PTPRN2: variants seen among roughly 807,000 people sequenced by gnomAD.
The protein encoded by PTPRN2 is receptor-type tyrosine-protein phosphatase N2.
PTPRN2 carries 74 observed loss-of-function variants against 118.8 expected under a neutral mutation model. The observed-to-expected ratio is 0.62, with a 90% CI of 0.52 to 0.76. The LOEUF (loss-of-function observed/expected upper bound fraction) is 0.76. Ranked by LOEUF, PTPRN2 falls within the 30% of genes least tolerant of loss-of-function variation. PTPRN2 has a pLI of 0.00. For missense variants in PTPRN2, 1,481 were observed against 1,394.4 expected (o/e 1.06, Z -0.99); for synonymous variants, 641 against 608.0 (o/e 1.05, Z -0.80).
intron 3 of PTPRN2, among the ~76,000 whole-genome samples, chr7:158,242,050 A>G (rs1433174804): frequency 6.6e-6 from 1 of 152,074 alleles, no homozygotes; most frequent in African/African-American, 2.4e-5. Context: ...CCAAATCTTA[A>G]CTGACTCTGA....
intron 2 of PTPRN2, among the ~76,000 whole-genome samples, chr7:158,443,845 G>C (rs1187956873): frequency 6.6e-6 from 1 of 152,218 alleles, no homozygotes; most frequent in Non-Finnish European, 1.5e-5. Flanking sequence ...AGAGTGGACT[G>C]TTGGCCACCA....
chr7:158,435,545 T>C (rs1220817071), intron 2 of PTPRN2, among the ~76,000 whole-genome samples: 1 of 152,164 alleles, frequency 6.6e-6, no homozygotes, highest in Non-Finnish European at 1.5e-5. Context: ...ATAGAACTAC[T>C]ATTTGATCCA....
At chr7:158,355,012 C>T (rs756653224) in intron 2 of PTPRN2, among the ~76,000 whole-genome samples, 7 of 113,516 alleles carry the variant, frequency 6.2e-5, no homozygotes, top group African/African-American at 1.5e-4. Flanking sequence ...ATGATACTTT[C>T]GGAGTCTTGA....
intron 12 of PTPRN2, among the ~76,000 whole-genome samples, chr7:157,695,438 C>T (rs35639863): frequency 0.16 from 23,837 of 151,746 alleles, 2,343 homozygotes; most frequent in Non-Finnish European, 0.22. Flanking sequence ...TTTCTAAATC[C>T]ATTTTTAAAA....
At chr7:157,635,763 G>A (rs180809935) in intron 14 of PTPRN2, among the ~76,000 whole-genome samples, 1 of 152,068 alleles carries the variant, frequency 6.6e-6, no homozygotes, top group East Asian at 1.9e-4. Context: ...ACCCCAGCCA[G>A]GATATTTGGA....
chr7:158,146,773 T>C (rs910054263), intron 6 of PTPRN2, among the ~76,000 whole-genome samples: 3 of 149,708 alleles, frequency 2.0e-5, no homozygotes, highest in Middle Eastern at 3.2e-3. Flanking sequence ...AAAAGCTTCA[T>C]TTTCTTGAGG....
chr7:157,926,695 C>A (rs1196014304), intron 11 of PTPRN2, among the ~76,000 whole-genome samples: 3 of 152,162 alleles, frequency 2.0e-5, no homozygotes, highest in Non-Finnish European at 2.9e-5. Context: ...TCACAAACAC[C>A]CACAGACCCT....
Position 157,576,605 on chromosome 7 carries a change from C to T in PTPRN2, c.2783+8G>A, listed in dbSNP as rs753377084. ...CGCACTGCCCTGCCGGCGGGCCGCG[C>T]GTCATACCTGCGGAAGTCCAGGAGG... is the stretch of plus-strand genomic sequence containing the variant. On this transcript the variant is annotated splice_region_variant and intron_variant, in intron 19 of 22. Coordinates refer to ENST00000389418, the MANE Select transcript of PTPRN2 (RefSeq NM_002847.5). 8.7e-6 allele frequency: 14 copies of T among 1,605,310 alleles called. No individual in the cohort carries two copies. The East Asian group carries it at 2.7e-4, about 31-fold the overall frequency.
At chr7:158,536,996 C>G (rs1268931240) in intron 1 of PTPRN2, among the ~76,000 whole-genome samples, 33 of 152,286 alleles carry the variant, frequency 2.2e-4, no homozygotes, top group Non-Finnish European at 2.9e-5. Flanking sequence ...TGGGACATGA[C>G]TGGGCCATCA....
At chr7:158,586,602 C>T (rs576622592) in intron 1 of PTPRN2, among the ~76,000 whole-genome samples, 2 of 152,372 alleles carry the variant, frequency 1.3e-5, no homozygotes, top group African/African-American at 2.4e-5. Flanking sequence ...AAGGAGGTGC[C>T]GGGGACTGGA....
At chr7:157,686,055 G>A (rs1463433176) in intron 12 of PTPRN2, among the ~76,000 whole-genome samples, 3 of 152,228 alleles carry the variant, frequency 2.0e-5, no homozygotes, top group East Asian at 3.9e-4. Flanking sequence ...TCGTGACCGC[G>A]GGCAGCGCCG....
intron 11 of PTPRN2, among the ~76,000 whole-genome samples, chr7:158,064,485 T>C (rs1306795684): frequency 6.6e-6 from 1 of 152,114 alleles, no homozygotes; most frequent in Admixed American, 6.5e-5. Context: ...AGCCCAGCGC[T>C]GTGAGGTTGC....
chr7:158,468,849 A>G (rs1819572254), intron 2 of PTPRN2, among the ~76,000 whole-genome samples: 1 of 151,364 alleles, frequency 6.6e-6, no homozygotes, highest in Non-Finnish European at 1.5e-5. Flanking sequence ...ACACCCACAC[A>G]CTCCCAATCG....
chr7:157,769,843 C>A lies in PTPRN2; in HGVS notation c.1789-86906G>T, dbSNP rs184898444. 1.8e-3 allele frequency among the ~76,000 whole-genome samples: 281 copies of A among 152,346 alleles called. 2 individuals are homozygous for A. Among genetic ancestry groups the A allele is most frequent in the Admixed American group, 0.011 (171 of 15,312 alleles). On this transcript the variant is annotated intron_variant, in intron 12 of 22. Coordinates refer to ENST00000389418, the MANE Select transcript of PTPRN2 (RefSeq NM_002847.5). ...GCTCCTCACCTGGATTCCCTGGGGG[C>A]TGCCATGGGCCCCTCCCTGCCACCC...
At chr7:157,577,604 G>A (rs1314344272) in intron 18 of PTPRN2, among the ~76,000 whole-genome samples, 1 of 152,168 alleles carries the variant, frequency 6.6e-6, no homozygotes, top group Non-Finnish European at 1.5e-5. Flanking sequence ...AAGGATGGGC[G>A]CCAGGTTTTC....
At chr7:157,910,731 C>T (rs1005128530) in intron 11 of PTPRN2, among the ~76,000 whole-genome samples, 5 of 151,980 alleles carry the variant, frequency 3.3e-5, no homozygotes, top group South Asian at 2.1e-4. Flanking sequence ...TGTGCGAGCG[C>T]GCGTGCGCCC....
chr7:158,205,048 G>T, intron 4 of PTPRN2, 123 bp downstream of exon 4: 1 of 831,284 alleles, frequency 1.2e-6, no homozygotes, highest in Non-Finnish European at 1.9e-6. Context: ...TTTCTGAAAC[G>T]TCTGCACCAG....
At chr7:158,522,037 G>C (rs75591425) in intron 1 of PTPRN2, among the ~76,000 whole-genome samples, 366 of 18,690 alleles carry the variant, frequency 0.02, 7 homozygotes, top group Middle Eastern at 0.042. Flanking sequence ...TGTCCGGGTA[G>C]TGGCTCAGGG....
Position 157,674,262 on chromosome 7 carries a change from G to A in PTPRN2, c.2001+8463C>T, listed in dbSNP as rs960372904. On this transcript the variant is annotated intron_variant, in intron 13 of 22. Coordinates refer to ENST00000389418, the MANE Select transcript of PTPRN2 (RefSeq NM_002847.5). This position sits in a 1 kb window ranked among gnomAD's most constrained non-coding sequence, Gnocchi z 4.5. ...GGGCCTGGGAGAGAAGAGACAGCCA[G>A]GCGGCGAGGGACTTGTCCTGTGGAG... Among the ~76,000 whole-genome samples, 3 of 152,196 alleles carry A rather than the reference G, an allele frequency of 2.0e-5. No homozygotes were observed. Among genetic ancestry groups the A allele is most frequent in the Non-Finnish European group, 4.4e-5 (3 of 68,038 alleles).
Sources: allele counts gnomAD v4.1 joint callset (sites outside exome capture counted in the v4.1 genomes callset), GRCh38; gene constraint gnomAD v4.1.1; non-coding constraint Gnocchi (gnomAD v3.1); transcripts MANE v1.5; gene names NCBI Gene and HGNC (gene_info 2026-07-23, HGNC 2026-07-21).